Variants in PTPRD observed in about 807,000 individuals in gnomAD.
PTPRD encodes receptor-type tyrosine-protein phosphatase delta.
In PTPRD, 34 loss-of-function variants were observed where a neutral mutation model predicts 214.5. The observed-to-expected ratio is 0.16, with a 90% confidence interval of 0.12 to 0.21. The LOEUF is 0.21. PTPRD is among the 10% of genes least tolerant of loss of function. PTPRD has a pLI of 1.00. For synonymous variants in PTPRD, 1,128 were observed against 845.7 expected (o/e 1.33, Z -5.79); for missense variants, 2,545 against 2,398.7 (o/e 1.06, Z -1.27).
chr9:8,980,699 T>C (rs749156517), intron 11 of PTPRD, among the ~76,000 whole-genome samples: 4 of 152,040 alleles, frequency 2.6e-5, no homozygotes, highest in African/African-American at 9.7e-5. Context: ...GACTGAACAA[T>C]GTGATCATAA....
chr9:10,129,075 A>G (rs943900543), intron 3 of PTPRD, among the ~76,000 whole-genome samples: 1 of 152,192 alleles, frequency 6.6e-6, no homozygotes, highest in Non-Finnish European at 1.5e-5. Context: ...ACATTTTCCA[A>G]TGTAACAAAT....
chr9:9,017,098 A>G (rs2099538947), intron 11 of PTPRD, among the ~76,000 whole-genome samples: 1 of 152,108 alleles, frequency 6.6e-6, no homozygotes, highest in African/African-American at 2.4e-5. Flanking sequence ...CACTGCGACT[A>G]TTAGTAAGAT....
chr9:10,434,264 C>T (rs562851325), intron 2 of PTPRD, among the ~76,000 whole-genome samples: 5 of 151,852 alleles, frequency 3.3e-5, no homozygotes, highest in African/African-American at 1.2e-4. Context: ...AAGACCTATG[C>T]CTTATTTCAT....
At chr9:10,532,628 T>C (rs1276276561) in intron 2 of PTPRD, among the ~76,000 whole-genome samples, 1 of 147,778 alleles carries the variant, frequency 6.8e-6, no homozygotes, top group African/African-American at 2.5e-5. Context: ...GATATTTATA[T>C]ATATTAGATA....
At chr9:10,113,886 G>C (rs1476017686) in intron 3 of PTPRD, among the ~76,000 whole-genome samples, 1 of 152,136 alleles carries the variant, frequency 6.6e-6, no homozygotes, top group East Asian at 1.9e-4. Flanking sequence ...AAAAGACTCA[G>C]CTGTCTAGGA....
At chr9:9,049,210 T>A (rs770157616) in intron 10 of PTPRD, among the ~76,000 whole-genome samples, 1 of 152,150 alleles carries the variant, frequency 6.6e-6, no homozygotes, top group Non-Finnish European at 1.5e-5. Flanking sequence ...AGGCATTCAG[T>A]GGAAGGAATA....
intron 8 of PTPRD, among the ~76,000 whole-genome samples, chr9:9,571,938 CTG>C (rs1005741644): frequency 6.0e-5 from 9 of 150,926 alleles, no homozygotes; most frequent in African/African-American, 1.5e-4. Context: ...AGTCCATTAA[CTG>C]TAAAAGTTTA....
chr9:9,276,983 G>C (rs1392203865), intron 9 of PTPRD, among the ~76,000 whole-genome samples: 1 of 151,112 alleles, frequency 6.6e-6, no homozygotes, highest in East Asian at 2.0e-4. Context: ...TGCATCTGTA[G>C]AGCTTCTTAC....
chr9:9,919,131 A>C (rs1345751106), intron 5 of PTPRD, among the ~76,000 whole-genome samples: 1 of 152,160 alleles, frequency 6.6e-6, no homozygotes, highest in African/African-American at 2.4e-5. Flanking sequence ...ATTTATATAA[A>C]ATGAATAAGT....
chr9:8,348,343 T>C (rs1016109598), intron 39 of PTPRD, among the ~76,000 whole-genome samples: 3 of 152,164 alleles, frequency 2.0e-5, no homozygotes, highest in Non-Finnish European at 4.4e-5. Context: ...ATATAAGATA[T>C]GCATGGATGC....
intron 4 of PTPRD, among the ~76,000 whole-genome samples, chr9:9,942,486 A>G (rs181918880): frequency 5.3e-5 from 8 of 152,294 alleles, no homozygotes; most frequent in African/African-American, 1.4e-4. Context: ...TATAAGATGT[A>G]CATCTGTAGA....
intron 10 of PTPRD, among the ~76,000 whole-genome samples, chr9:9,040,657 T>C (rs938957566): frequency 5.3e-5 from 8 of 152,186 alleles, no homozygotes; most frequent in African/African-American, 1.7e-4. Context: ...AAGAACATAT[T>C]TTAGAATTTC....
At chr9:9,034,138 T>C (rs1037707550) in intron 10 of PTPRD, among the ~76,000 whole-genome samples, 7 of 152,142 alleles carry the variant, frequency 4.6e-5, no homozygotes, top group Non-Finnish European at 7.4e-5. Context: ...CATACTTAAG[T>C]GAGTATTGCA....
intron 2 of PTPRD, among the ~76,000 whole-genome samples, chr9:10,356,168 G>A (rs1030499552): frequency 1.3e-5 from 2 of 150,836 alleles, no homozygotes; most frequent in Non-Finnish European, 2.9e-5. Flanking sequence ...TGAACTGCCT[G>A]GCCACAGGCT....
At chr9:8,815,332 A>G (rs769877091) in intron 11 of PTPRD, among the ~76,000 whole-genome samples, 1 of 152,202 alleles carries the variant, frequency 6.6e-6, no homozygotes, top group African/African-American at 2.4e-5. Flanking sequence ...TACATTTTCC[A>G]AAATAATCCA....
intron 7 of PTPRD, among the ~76,000 whole-genome samples, chr9:9,671,376 G>A (rs866848906): frequency 6.6e-6 from 1 of 152,088 alleles, no homozygotes; most frequent in African/African-American, 2.4e-5. Context: ...AGGCTCATAG[G>A]CAGAAGGGAT....
chr9:9,610,180 T>C (rs952748671), intron 7 of PTPRD, among the ~76,000 whole-genome samples: 1 of 152,186 alleles, frequency 6.6e-6, no homozygotes, highest in Non-Finnish European at 1.5e-5. Flanking sequence ...TAATGTAGCG[T>C]ATTTCAACGT....
intron 12 of PTPRD, among the ~76,000 whole-genome samples, chr9:8,659,948 T>C (rs935090512): frequency 6.6e-6 from 1 of 152,148 alleles, no homozygotes; most frequent in Non-Finnish European, 1.5e-5. Flanking sequence ...AGAGACTGGT[T>C]CAAAAGATAA....
chr9:8,581,468 G>C (rs955592349), intron 14 of PTPRD, among the ~76,000 whole-genome samples: 4 of 152,204 alleles, frequency 2.6e-5, no homozygotes, highest in Non-Finnish European at 4.4e-5. Flanking sequence ...GGTGGCCGGG[G>C]CCGGGCGCAG....
Sources: allele counts gnomAD v4.1 joint callset (sites outside exome capture counted in the v4.1 genomes callset), GRCh38; gene constraint gnomAD v4.1.1; transcripts MANE v1.5; gene names NCBI Gene and HGNC (gene_info 2026-07-23, HGNC 2026-07-21).